ZNF721: variants seen among roughly 807,000 people sequenced by gnomAD.
ZNF721 encodes zinc finger protein 721.
ZNF721 carries 2 observed loss-of-function variants against 2.4 expected under a neutral mutation model. That is an observed-to-expected ratio of 0.82 (90% CI 0.34 to 2.58). The LOEUF (loss-of-function observed/expected upper bound fraction) is 2.58, where lower values mean the gene tolerates loss of function less well. Ranked by LOEUF, ZNF721 falls within the 30% of genes most tolerant of loss-of-function variation. ZNF721 has a pLI of 0.11. For missense variants in ZNF721, 1,187 were observed against 1,085.5 expected (o/e 1.09, Z -1.31); for synonymous variants, 398 against 381.8 (o/e 1.04, Z -0.50).
intron 2 of ZNF721, among the ~76,000 whole-genome samples, chr4:465,219 C>CA (rs1471064170): frequency 2.6e-5 from 4 of 151,798 alleles, no homozygotes; most frequent in Admixed American, 2.6e-4. Flanking sequence ...CCTGTCTCTA[C>CA]AAAAAAATAC....
At chr4:450,661 G>A (rs955857655) in intron 2 of ZNF721, among the ~76,000 whole-genome samples, 2 of 123,740 alleles carry the variant, frequency 1.6e-5, no homozygotes, top group Non-Finnish European at 3.4e-5. Context: ...AAAAAGCCGG[G>A]CGCGGTTGGC....
At chr4:485,601 T>C (rs1384650476) in intron 1 of ZNF721, among the ~76,000 whole-genome samples, 4 of 152,196 alleles carry the variant, frequency 2.6e-5, no homozygotes, top group South Asian at 2.1e-4. Context: ...CTCCGAAAGA[T>C]GTTGGTTTAC....
At chr4:455,544 C>T (rs529398573) in intron 2 of ZNF721, among the ~76,000 whole-genome samples, 1 of 151,800 alleles carries the variant, frequency 6.6e-6, no homozygotes, top group African/African-American at 2.4e-5. Context: ...TCTAGCCTGG[C>T]AACAGAGCAA....
At chr4:445,005 G>C (rs1714427258) in intron 2 of ZNF721, among the ~76,000 whole-genome samples, 1 of 117,630 alleles carries the variant, frequency 8.5e-6, no homozygotes, top group African/African-American at 3.6e-5. Context: ...TTTTTTTTGA[G>C]ATGGAGTCTC....
chr4:468,729 G>A (rs538442331), intron 2 of ZNF721, among the ~76,000 whole-genome samples: 3 of 152,086 alleles, frequency 2.0e-5, no homozygotes, highest in Non-Finnish European at 4.4e-5. Context: ...CATCAGCCTG[G>A]GGACCCAACA....
intron 1 of ZNF721, among the ~76,000 whole-genome samples, chr4:490,294 G>A (rs1421247778): frequency 6.6e-5 from 10 of 151,808 alleles, no homozygotes; most frequent in African/African-American, 2.4e-4. Flanking sequence ...GGCTAACACG[G>A]TGAAACCCCG....
intron 2 of ZNF721, among the ~76,000 whole-genome samples, chr4:449,047 C>T (rs1714567543): frequency 6.6e-6 from 1 of 151,974 alleles, no homozygotes; most frequent in African/African-American, 2.4e-5. Flanking sequence ...AAATAAAAAG[C>T]AGAATTGTTT....
chr4:492,445 A>C (rs1716047463), intron 1 of ZNF721, among the ~76,000 whole-genome samples: 1 of 152,174 alleles, frequency 6.6e-6, no homozygotes, highest in South Asian at 2.1e-4. Context: ...AGGTTAAAAA[A>C]AGTTAAAATC....
At chr4:474,221 C>T (rs567548510) in intron 1 of ZNF721, 2 of 388,784 alleles carry the variant, frequency 5.1e-6, no homozygotes, top group East Asian at 6.6e-5. Context: ...CTCAGTCAAG[C>T]GCTCTGATTG....
At chr4:449,350 CAAT>C (rs1714577041) in intron 2 of ZNF721, among the ~76,000 whole-genome samples, 1 of 151,532 alleles carries the variant, frequency 6.6e-6, no homozygotes, top group Non-Finnish European at 1.5e-5. Context: ...TGGAAAAAGA[CAAT>C]ATTTTCAATA....
At position 444,001 on chromosome 4, in the gene ZNF721, T is replaced by G. The variant is rs1318514399; in HGVS notation, c.466A>C (p.Lys156Gln). Residue 156 changes from lysine to glutamine, a missense_variant, in exon 3 of 3, where the codon AAG (lysine) becomes CAG (glutamine). Coordinates refer to ENST00000511833, the MANE Select transcript of ZNF721 (RefSeq NM_133474.4). Reference protein sequence around the residue: ...FGWYTDLNQHKKIHTGEKPYK... With the variant: ...FGWYTDLNQHQKIHTGEKPYK... ...GGTTTCTCTCCAGTATGAATTTTCT[T>G]GTGTTGATTCAGGTCTGTGTACCAT... 1.9e-6 allele frequency: 3 copies of G among 1,614,048 alleles called. No homozygotes were observed. The African/African-American group carries it at 4.0e-5, about 22-fold the overall frequency.
intron 2 of ZNF721, among the ~76,000 whole-genome samples, chr4:461,179 A>T (rs1715057779): frequency 6.6e-6 from 1 of 152,208 alleles, no homozygotes; most frequent in South Asian, 2.1e-4. Flanking sequence ...TCCCCGATGA[A>T]CATCGATGTG....
At chr4:457,874 C>T (rs902120490) in intron 2 of ZNF721, among the ~76,000 whole-genome samples, 1 of 152,184 alleles carries the variant, frequency 6.6e-6, no homozygotes, top group Admixed American at 6.5e-5. Context: ...AGTCCTATAA[C>T]CAAGCTCTGG....
At position 486,276 on chromosome 4, in the gene ZNF721, C is replaced by T. The variant is rs530424256; in HGVS notation, c.-94+12780G>A. On this transcript the variant is annotated intron_variant, in intron 1 of 2. Transcript: ENST00000511833. The stretch of plus-strand genomic sequence containing the variant: ...TGGGTTCACGTGATTCTCCTGCCTC[C>T]GCCTCCCGAGTAGCTGGGACTACAG... Among the ~76,000 whole-genome samples, 21 of 151,740 alleles carry T rather than the reference C, an allele frequency of 1.4e-4. No homozygotes were observed. In the East Asian group the frequency reaches 4.1e-3, roughly 30 times the overall value.
intron 1 of ZNF721, among the ~76,000 whole-genome samples, chr4:496,752 G>A (rs1199453260): frequency 3.7e-4 from 45 of 121,730 alleles, no homozygotes; most frequent in Non-Finnish European, 5.7e-4. Context: ...TCTCGCTGTC[G>A]CCCAGGTTGG....
At chr4:494,222 C>G (rs1234839964) in intron 1 of ZNF721, among the ~76,000 whole-genome samples, 2 of 150,868 alleles carry the variant, frequency 1.3e-5, no homozygotes, top group Non-Finnish European at 2.9e-5. Flanking sequence ...CGCTCTGTCA[C>G]CCAGGCTGGA....
intron 2 of ZNF721, among the ~76,000 whole-genome samples, chr4:448,033 G>A (rs1173572346): frequency 6.6e-6 from 1 of 152,078 alleles, no homozygotes; most frequent in East Asian, 1.9e-4. Context: ...TAAGGAAACA[G>A]GAGACTTGAA....
chr4:498,773 G>C (rs1282485128), intron 1 of ZNF721, among the ~76,000 whole-genome samples: 5 of 148,450 alleles, frequency 3.4e-5, no homozygotes, highest in African/African-American at 1.0e-4. Context: ...TTGCCAGGCA[G>C]AAGTGCAGTG....
At chr4:481,885 G>A (rs1297850702) in intron 1 of ZNF721, among the ~76,000 whole-genome samples, 10 of 152,164 alleles carry the variant, frequency 6.6e-5, no homozygotes, top group African/African-American at 2.4e-4. Flanking sequence ...TAGTAGACAC[G>A]CATACGCTGC....
Sources: gnomAD v4.1 joint callset for allele counts (sites outside exome capture counted in the v4.1 genomes callset) on GRCh38, gnomAD v4.1.1 for gene constraint, MANE v1.5 for transcripts, NCBI Gene and HGNC (gene_info 2026-07-23, HGNC 2026-07-21) for gene names.